The following IPO11 variants were observed in gnomAD, a reference collection of about 807,000 sequenced individuals.
IPO11 encodes the protein importin 11, also known as importin-11.
IPO11 carries 66 observed loss-of-function variants against 143.2 expected under a neutral mutation model. The ratio of observed to expected loss-of-function variants is 0.46; its 90% confidence interval spans 0.38 to 0.57. The LOEUF (loss-of-function observed/expected upper bound fraction) is 0.57. Among genes scored for constraint, IPO11 ranks in the 20% least tolerant of loss-of-function variants. The probability of loss-of-function intolerance (pLI) is 0.00; values close to 1 mark genes in which losing one functional copy is unlikely to be tolerated. For missense variants in IPO11, 1,026 were observed against 1,141.0 expected, an observed-to-expected ratio of 0.90 and a Z score of 1.45; for synonymous variants, 385 against 377.8, an observed-to-expected ratio of 1.02 and a Z score of -0.22.
chr5:62,554,029 C>T (rs991411751), intron 26 of IPO11, among the ~76,000 whole-genome samples: 29 of 152,192 alleles, frequency 1.9e-4, no homozygotes, highest in African/African-American at 6.5e-4. Context: ...CTGCGCCTGG[C>T]AGATGTTGAC....
chr5:62,508,544 C>T (rs1741640248), intron 19 of IPO11, among the ~76,000 whole-genome samples: 1 of 151,490 alleles, frequency 6.6e-6, no homozygotes, highest in Non-Finnish European at 1.5e-5. Context: ...TTCCTTCTTC[C>T]TTCTTTCTTT....
intron 29 of IPO11, among the ~76,000 whole-genome samples, chr5:62,606,956 A>G (rs1487182156): frequency 6.6e-6 from 1 of 152,228 alleles, no homozygotes; most frequent in Non-Finnish European, 1.5e-5. Flanking sequence ...CATGCCAAAT[A>G]TAACAAATCC....
intron 29 of IPO11, among the ~76,000 whole-genome samples, chr5:62,608,397 C>T (rs1745807148): frequency 1.3e-5 from 2 of 152,214 alleles, no homozygotes; most frequent in Non-Finnish European, 1.5e-5. Context: ...AAAAGCTTCA[C>T]ATGTTCTTTT....
chr5:62,470,221 T>C, intron 6 of IPO11, 29 bp from the exon 7 acceptor site: 9 of 1,600,396 alleles, frequency 5.6e-6, no homozygotes, highest in African/African-American at 4.0e-5. Context: ...TAAAATAAGA[T>C]TCAAGTAAAG....
rs189053018 is a variant in IPO11 at position 62,448,310 on chromosome 5, C to T, written c.240-1617C>T. ...AGGGCAGGACAGCATGAGATTTCAT[C>T]ATGCTATTCAGGATGCTACGCTATT... On this transcript the variant is annotated intron_variant, in intron 3 of 29. Transcript: ENST00000325324. Among the ~76,000 whole-genome samples the T allele has an allele frequency of 2.6e-5, 4 of 152,196 alleles. No individual in the cohort carries two copies. In the East Asian group the frequency reaches 7.7e-4, roughly 29 times the overall value.
intron 1 of IPO11, among the ~76,000 whole-genome samples, chr5:62,431,235 TC>T (rs1743975746): frequency 6.6e-6 from 1 of 152,098 alleles, no homozygotes; most frequent in African/African-American, 2.4e-5. Flanking sequence ...CACCTCGACC[TC>T]CCAAAGTGCT....
intron 27 of IPO11, chr5:62,579,313 A>C (rs2112400747): frequency 2.3e-6 from 2 of 851,212 alleles, no homozygotes; most frequent in South Asian, 3.1e-5. Flanking sequence ...GATCCTAATT[A>C]AAATAGAATA....
Position 62,477,731 on chromosome 5 carries a change from A to G in IPO11, c.828+978A>G, listed in dbSNP as rs182839125. The stretch of plus-strand genomic sequence containing the variant: ...TATATCAGTTACATAAGTAAAATTT[A>G]AAAAGCATTATTTAGATGATCTGTT... On this transcript the variant is annotated intron_variant, in intron 9 of 29. Transcript: ENST00000325324. Among the ~76,000 whole-genome samples the G allele has an allele frequency of 9.8e-5, 15 of 152,336 alleles. No homozygotes were observed. The East Asian group carries it at 2.9e-3, about 29-fold the overall frequency.
At chr5:62,507,013 A>G (rs1741576598) in intron 19 of IPO11, among the ~76,000 whole-genome samples, 1 of 152,338 alleles carries the variant, frequency 6.6e-6, no homozygotes, top group Middle Eastern at 3.4e-3. Flanking sequence ...GCTGTTAGTG[A>G]ATTGTGACAC....
chr5:62,429,708 C>A (rs770230368), intron 1 of IPO11, among the ~76,000 whole-genome samples: 2 of 152,076 alleles, frequency 1.3e-5, no homozygotes, highest in Non-Finnish European at 2.9e-5. Context: ...ACTGCAACCT[C>A]TGCCTCCCGG....
chr5:62,454,775 A>G (rs1349096407), intron 5 of IPO11, among the ~76,000 whole-genome samples: 2 of 152,178 alleles, frequency 1.3e-5, no homozygotes, highest in Non-Finnish European at 2.9e-5. Flanking sequence ...CTGTCATCCT[A>G]CTGCATGGTC....
At chr5:62,447,223 A>T (rs1159459962) in intron 3 of IPO11, among the ~76,000 whole-genome samples, 1 of 151,970 alleles carries the variant, frequency 6.6e-6, no homozygotes, top group African/African-American at 2.4e-5. Context: ...CTTCTGCCTC[A>T]GCCTCCTGAG....
At chr5:62,440,457 C>A (rs785665) in intron 2 of IPO11, among the ~76,000 whole-genome samples, 13,616 of 150,042 alleles carry the variant, frequency 0.091, 667 homozygotes, top group East Asian at 0.14. Flanking sequence ...TGGGTTCAAG[C>A]GATTCTCCTG....
chr5:62,500,279 T>C (rs1246198015), intron 16 of IPO11, among the ~76,000 whole-genome samples: 1 of 152,050 alleles, frequency 6.6e-6, no homozygotes, highest in Non-Finnish European at 1.5e-5. Context: ...TGAGACTCTT[T>C]CAAAAAAAGA....
chr5:62,543,526 G>A (rs1225295796), intron 24 of IPO11, among the ~76,000 whole-genome samples: 1 of 152,178 alleles, frequency 6.6e-6, no homozygotes, highest in Non-Finnish European at 1.5e-5. Flanking sequence ...GCGATCGGTA[G>A]TGATATCCCC....
chr5:62,569,190 A>C (rs995659506), intron 27 of IPO11, among the ~76,000 whole-genome samples: 2 of 152,236 alleles, frequency 1.3e-5, no homozygotes, highest in East Asian at 3.9e-4. Context: ...GCTGTCTGCA[A>C]ACTTCCTTCT....
intron 27 of IPO11, among the ~76,000 whole-genome samples, chr5:62,573,138 C>G (rs1376854967): frequency 6.6e-6 from 1 of 152,074 alleles, no homozygotes; most frequent in Non-Finnish European, 1.5e-5. Flanking sequence ...GCTCTGCCTC[C>G]CGGCTTGTAG....
At chr5:62,442,811 C>A (rs1180218385) in intron 2 of IPO11, among the ~76,000 whole-genome samples, 172 bp from the exon 3 acceptor site, 1 of 152,018 alleles carries the variant, frequency 6.6e-6, no homozygotes, top group Non-Finnish European at 1.5e-5. Context: ...TTGCAGTGAG[C>A]CGAAATCGTG....
chr5:62,415,479 T>G (rs1156814258), intron 1 of IPO11, among the ~76,000 whole-genome samples: 4 of 145,230 alleles, frequency 2.8e-5, no homozygotes, highest in Non-Finnish European at 6.0e-5. Flanking sequence ...TTTTTTTTTT[T>G]TTTTTTGAGA....
Sources: gnomAD v4.1 joint callset for allele counts (sites outside exome capture counted in the v4.1 genomes callset) on GRCh38, gnomAD v4.1.1 for gene constraint, MANE v1.5 for transcripts, NCBI Gene and HGNC (gene_info 2026-07-23, HGNC 2026-07-21) for gene names.